The following SLC9A7 variants were observed in gnomAD, a reference collection of about 807,000 sequenced individuals.
SLC9A7 encodes sodium/hydrogen exchanger 7.
In SLC9A7, 19 loss-of-function variants were observed where a neutral mutation model predicts 52.6. The observed-to-expected ratio is 0.36, with a 90% CI of 0.25 to 0.53. The LOEUF is 0.53. SLC9A7 is among the 20% of genes least tolerant of loss of function. The probability of loss-of-function intolerance (pLI) is 0.91; values close to 1 mark genes in which losing one functional copy is unlikely to be tolerated. For synonymous variants in SLC9A7, 226 were observed against 252.1 expected, an observed-to-expected ratio of 0.90 and a Z score of 0.98; for missense variants, 455 against 597.9, an observed-to-expected ratio of 0.76 and a Z score of 2.49.
rs1942724799 is a variant in SLC9A7, at chrX:46,605,195, A to T, written c.*1757T>A. 9.1e-6 allele frequency: 1 copy of T among 109,722 alleles called. No individual in the cohort carries two copies. Among genetic ancestry groups the T allele is most frequent in the Non-Finnish European group, 1.9e-5 (1 of 52,586 alleles). The allele number at this position is 109,722 out of a possible 1,213,427, so 9.0% of individuals were successfully genotyped here. ...GACACAGCGAGACTCCATCTCAAAA[A>T]AAAAAAAAAAAAGGAAAGAAAGAAA... On this transcript the variant is annotated 3_prime_UTR_variant, in exon 17 of 17. Transcript: ENST00000616978.
At chrX:46,742,859 G>A (rs1208462227) in intron 1 of SLC9A7, among the ~76,000 whole-genome samples, 1 of 111,420 alleles carries the variant, frequency 9.0e-6, no homozygotes, top group East Asian at 2.8e-4. Context: ...AGACCAGCCT[G>A]AGCAACACAG....
intron 4 of SLC9A7, among the ~76,000 whole-genome samples, chrX:46,671,323 C>CAATCTCGG (rs779546683): frequency 9.0e-6 from 1 of 110,741 alleles, no homozygotes; most frequent in South Asian, 3.9e-4. Flanking sequence ...TGCAATGGCG[C>CAATCTCGG]AATCTCGGCT....
intron 15 of SLC9A7, among the ~76,000 whole-genome samples, chrX:46,620,224 C>T (rs1223435958): frequency 9.1e-6 from 1 of 109,895 alleles, no homozygotes; most frequent in African/African-American, 3.3e-5. Context: ...AGTTCGAGAC[C>T]AGCCTGGGCA....
chrX:46,731,432 T>TATATAAAAAAAAAAAAAAAAAAAAAAA (rs748259550), intron 1 of SLC9A7, among the ~76,000 whole-genome samples: 3 of 78,248 alleles, frequency 3.8e-5, no homozygotes, highest in Admixed American at 1.8e-4. Flanking sequence ...TATAAAAAAT[T>TATATAAAAAAAAAAAAAAAAAAAAAAA]AAAAAAAATT....
intron 14 of SLC9A7, among the ~76,000 whole-genome samples, chrX:46,630,033 A>T (rs1323158475): frequency 8.9e-6 from 1 of 111,798 alleles, no homozygotes; most frequent in Non-Finnish European, 1.9e-5. Context: ...TGGGTGCCAA[A>T]TCTCCAATGA....
At position 46,672,586 on chromosome X, in the gene SLC9A7, G is replaced by C. The variant is rs372221201; in HGVS notation, c.645C>G (p.Ala215=). Residue 215 remains alanine (A), a synonymous_variant, in exon 4 of 17, where the codon GCC becomes GCG. Coordinates refer to ENST00000616978, the MANE Select transcript of SLC9A7 (RefSeq NM_001257291.2). The part of the protein sequence containing the change: ...FRNLGSILAY[A]FLGTAVSCFI... ...AGCATGAAACAGCAGTCCCCAAGAA[G>C]GCATAGGCCAGTATAGATCCAAGAT... is the stretch of plus-strand genomic sequence containing the variant. 18 of 1,205,690 alleles carry C rather than the reference G, an allele frequency of 1.5e-5. No homozygotes were observed. The African/African-American group carries it at 3.2e-4, about 21-fold the overall frequency.
At chrX:46,646,109 T>C (rs995074186) in intron 11 of SLC9A7, among the ~76,000 whole-genome samples, 1 of 111,550 alleles carries the variant, frequency 9.0e-6, no homozygotes, top group African/African-American at 3.3e-5. Context: ...TTTGTTTTTT[T>C]ACATCACCAT....
At chrX:46,609,263 C>T (rs751890994) in intron 16 of SLC9A7, among the ~76,000 whole-genome samples, 9 of 111,967 alleles carry the variant, frequency 8.0e-5, no homozygotes, top group African/African-American at 2.9e-4. Context: ...TGATGTGGTC[C>T]GCTTTCACTC....
Position 46,606,138 on chromosome X carries a change from G to C in SLC9A7, c.*814C>G, listed in dbSNP as rs1942739761. On this transcript the variant is annotated 3_prime_UTR_variant, in exon 17 of 17. Coordinates refer to ENST00000616978, the MANE Select transcript of SLC9A7 (RefSeq NM_001257291.2). ...CCACTGCACTCCAGCCTGGGTGACA[G>C]AGTGAAACACCATCTCAACAAAAAA... 2.0e-6 allele frequency: 1 copy of C among 499,410 alleles called. No homozygotes were observed. The highest frequency in any genetic ancestry group is 2.6e-5 in the African/African-American group (1 of 37,848). The allele number at this position is 499,410 out of a possible 1,213,427, so 41.2% of individuals were successfully genotyped here.
intron 11 of SLC9A7, among the ~76,000 whole-genome samples, chrX:46,643,716 A>T (rs999215809): frequency 3.6e-5 from 4 of 112,255 alleles, no homozygotes; most frequent in African/African-American, 1.3e-4. Flanking sequence ...TAAAACTGTG[A>T]TCCCAACACA....
At chrX:46,742,526 A>C (rs1298074407) in intron 1 of SLC9A7, among the ~76,000 whole-genome samples, 2 of 111,609 alleles carry the variant, frequency 1.8e-5, no homozygotes, top group Non-Finnish European at 3.8e-5. Context: ...TACATACTGT[A>C]CAATTCCATT....
chrX:46,616,536 T>C (rs1269475862), intron 15 of SLC9A7, among the ~76,000 whole-genome samples: 1 of 111,642 alleles, frequency 9.0e-6, no homozygotes, highest in East Asian at 2.8e-4. Context: ...AAAAGATCTT[T>C]TCTTTTTGAC....
intron 1 of SLC9A7, among the ~76,000 whole-genome samples, chrX:46,747,566 A>C (rs1921872571): frequency 8.9e-6 from 1 of 111,791 alleles, no homozygotes; most frequent in Admixed American, 9.5e-5. Context: ...AAAAAAGCAA[A>C]TGCAAAAAAA....
At position 46,602,749 on chromosome X, in the gene SLC9A7, C is replaced by T. The variant is rs1375108475; in HGVS notation, c.*4203G>A. 8.9e-6 allele frequency: 1 copy of T among 112,634 alleles called. No individual in the cohort carries two copies. Among genetic ancestry groups the T allele is most frequent in the Non-Finnish European group, 1.9e-5 (1 of 53,341 alleles). 9.3% of individuals were successfully genotyped at this position (112,634 alleles called of 1,213,427 possible). A position where few individuals can be genotyped will look rare whatever the true frequency, so the allele number is the denominator to read the frequency against. On this transcript the variant is annotated 3_prime_UTR_variant, in exon 17 of 17. Coordinates refer to ENST00000616978, the MANE Select transcript of SLC9A7 (RefSeq NM_001257291.2). ...TGGATGTACCATTACTTAGCAGTTT[C>T]AATCTGATCTTATGCCAGACTGGCA...
intron 5 of SLC9A7, 43 bp from the exon 6 acceptor site, chrX:46,662,686 G>A: frequency 2.0e-6 from 2 of 1,010,952 alleles, no homozygotes; most frequent in Non-Finnish European, 2.8e-6. Flanking sequence ...TTTGGTTTCT[G>A]ACCTTAAATC....
At chrX:46,610,015 G>A (rs373368008) in intron 16 of SLC9A7, among the ~76,000 whole-genome samples, 3 of 111,842 alleles carry the variant, frequency 2.7e-5, no homozygotes, top group African/African-American at 6.5e-5. Context: ...GCAAGAGAGC[G>A]AGACTGTCTC....
intron 12 of SLC9A7, among the ~76,000 whole-genome samples, chrX:46,638,104 C>G (rs1243509658): frequency 1.8e-5 from 2 of 111,470 alleles, no homozygotes; most frequent in East Asian, 5.6e-4. Flanking sequence ...TCACAGGGGT[C>G]AAAATGCCAA....
intron 1 of SLC9A7, among the ~76,000 whole-genome samples, chrX:46,738,787 C>CA (rs1432783299): frequency 9.2e-6 from 1 of 108,243 alleles, no homozygotes; most frequent in African/African-American, 3.4e-5. Flanking sequence ...AAAAACAAAA[C>CA]AAACAAACAA....
Position 46,600,642 on chromosome X carries a change from T to G in SLC9A7, c.*6310A>C, listed in dbSNP as rs1426979326. On this transcript the variant is annotated 3_prime_UTR_variant, in exon 17 of 17. Transcript: ENST00000616978. ...TTTGCTAGCACTGGGTGACAAGATG[T>G]GTTTAATTTTTTAAAAATGTCTATG... The G allele has an allele frequency of 8.9e-6, 1 of 112,333 alleles. No individual in the cohort carries two copies. Among genetic ancestry groups the G allele is most frequent in the Non-Finnish European group, 1.9e-5 (1 of 53,308 alleles). The allele number at this position is 112,333 out of a possible 1,213,427, so 9.3% of individuals were successfully genotyped here. A position where few individuals can be genotyped will look rare whatever the true frequency, so the allele number is the denominator to read the frequency against.
Sources: gnomAD v4.1 joint callset for allele counts (sites outside exome capture counted in the v4.1 genomes callset) on GRCh38, gnomAD v4.1.1 for gene constraint, MANE v1.5 for transcripts, NCBI Gene and HGNC (gene_info 2026-07-23, HGNC 2026-07-21) for gene names.